Variants in LAMC1 observed in about 807,000 individuals in gnomAD.
LAMC1 encodes laminin subunit gamma 1, also known as laminin subunit gamma-1.
In LAMC1, 38 loss-of-function variants were observed where a neutral mutation model predicts 173.6. That is an observed-to-expected ratio of 0.22 (90% CI 0.17 to 0.29). The LOEUF (loss-of-function observed/expected upper bound fraction) is 0.29. LAMC1 is among the 10% of genes least tolerant of loss of function. The pLI is 1.00. For missense variants in LAMC1, 1,824 were observed against 2,051.8 expected (o/e 0.89, Z 2.14); for synonymous variants, 746 against 749.1 (o/e 1.00, Z 0.07).
chr1:183,032,870 C>T (rs1359692952), intron 1 of LAMC1, among the ~76,000 whole-genome samples: 1 of 152,034 alleles, frequency 6.6e-6, no homozygotes, highest in Non-Finnish European at 1.5e-5. Flanking sequence ...TGGTTAATGA[C>T]CAGTCTCTTT....
At position 183,125,479 on chromosome 1, in the gene LAMC1, C is replaced by G. The variant is rs750369532; in HGVS notation, c.2730C>G (p.His910Gln). Residue 910 changes from histidine to glutamine, a missense_variant, in exon 15 of 28, where the codon CAC (histidine) becomes CAG (glutamine). Physicochemically the swap from His to Gln is conservative, Grantham distance 24. Transcript: ENST00000258341. ...PVTGQCECLP[H>Q]VTGQDCGACD... ...CGGGGCAGTGTGAATGTTTGCCTCA[C>G]GTGACTGGCCAGGACTGTGGTGCTT... 2.5e-6 allele frequency: 4 copies of G among 1,613,628 alleles called. No homozygotes were observed. In the African/African-American group the frequency reaches 4.0e-5, roughly 16 times the overall value.
intron 1 of LAMC1, among the ~76,000 whole-genome samples, chr1:183,102,936 A>G (rs554928041): frequency 2.9e-4 from 44 of 152,356 alleles, no homozygotes; most frequent in Non-Finnish European, 5.6e-4. Context: ...CTGGAGACCC[A>G]TTTAGAAAGT....
intron 1 of LAMC1, among the ~76,000 whole-genome samples, chr1:183,075,372 T>C (rs1226550335): frequency 6.6e-6 from 1 of 152,146 alleles, no homozygotes; most frequent in Non-Finnish European, 1.5e-5. Context: ...CATCTTGGCC[T>C]CCCAAAGTGT....
chr1:183,125,661 A>C, intron 15 of LAMC1, 111 bp downstream of exon 15: 1 of 790,276 alleles, frequency 1.3e-6, no homozygotes, highest in Admixed American at 3.0e-5. Context: ...TGGAGCGCCT[A>C]ATGTAGGCAA....
At chr1:183,114,005 T>C (rs1036368109) in intron 4 of LAMC1, among the ~76,000 whole-genome samples, 1 of 152,196 alleles carries the variant, frequency 6.6e-6, no homozygotes, top group Non-Finnish European at 1.5e-5. Flanking sequence ...GAGGAACATT[T>C]CTTTATCATC....
chr1:183,120,676 G>A (rs1656446475), intron 11 of LAMC1, among the ~76,000 whole-genome samples: 1 of 152,156 alleles, frequency 6.6e-6, no homozygotes, highest in South Asian at 2.1e-4. Flanking sequence ...TGTATCAGGG[G>A]CACCACTGGA....
intron 1 of LAMC1, among the ~76,000 whole-genome samples, chr1:183,033,069 A>G (rs1168717221): frequency 1.3e-5 from 2 of 152,312 alleles, no homozygotes; most frequent in Non-Finnish European, 2.9e-5. Context: ...AGTACACTAT[A>G]ATATAGTTGA....
chr1:183,128,767 A>G lies in LAMC1; in HGVS notation c.3280+17A>G. On this transcript the variant is annotated intron_variant, in intron 18 of 27. Transcript: ENST00000258341. ...ATGTCAAAGGTACGCATGATTGAAC[A>G]GTGCATGACTTCTGTGAGATGGACC... The G allele has an allele frequency of 6.3e-7, 1 of 1,591,398 alleles. No individual in the cohort carries two copies. The highest frequency in any genetic ancestry group is 1.2e-5 in the South Asian group (1 of 86,414).
chr1:183,076,190 C>A (rs1200380670), intron 1 of LAMC1, among the ~76,000 whole-genome samples: 1 of 152,142 alleles, frequency 6.6e-6, no homozygotes, highest in East Asian at 1.9e-4. Context: ...AACTATGCCT[C>A]CACAGTAAAG....
At position 183,145,543 on chromosome 1, in the gene LAMC1, G is replaced by GA. The variant is rs1657234252; in HGVS notation, c.*2758dup. On this transcript the variant is annotated 3_prime_UTR_variant, in exon 28 of 28. Transcript: ENST00000258341. Reference sequence around the variant, plus strand: ...AACACTTGGCATTTTTATGTTTTAAGAAAAACAGTATTTTATTTATAATAA... The same window carrying GA: ...AACACTTGGCATTTTTATGTTTTAAGAAAAAACAGTATTTTATTTATAATAA... 6.6e-6 allele frequency: 1 copy of GA among 152,362 alleles called. No homozygotes were observed. The highest frequency in any genetic ancestry group is 2.4e-5 in the African/African-American group (1 of 41,358). The allele number at this position is 152,362 out of a possible 1,614,324, so 9.4% of individuals were successfully genotyped here.
At chr1:183,093,690 G>A (rs764745837) in intron 1 of LAMC1, among the ~76,000 whole-genome samples, 1 of 152,044 alleles carries the variant, frequency 6.6e-6, no homozygotes, top group Non-Finnish European at 1.5e-5. Context: ...TCACTTAGAG[G>A]TTTCGTGGGT....
At chr1:183,126,790 G>A (rs775488806) in intron 16 of LAMC1, among the ~76,000 whole-genome samples, 31 of 152,352 alleles carry the variant, frequency 2.0e-4, no homozygotes, top group Non-Finnish European at 1.2e-4. Context: ...CCTGTGGAAT[G>A]TAGCATAAGT....
chr1:183,099,643 G>A (rs984846588), intron 1 of LAMC1, among the ~76,000 whole-genome samples: 1 of 152,020 alleles, frequency 6.6e-6, no homozygotes, highest in African/African-American at 2.4e-5. Flanking sequence ...CTCTGTGTGT[G>A]CTGTGAATGT....
chr1:183,063,889 C>T (rs953748592), intron 1 of LAMC1, among the ~76,000 whole-genome samples: 3 of 152,248 alleles, frequency 2.0e-5, no homozygotes, highest in East Asian at 3.9e-4. Flanking sequence ...GTAATTGATA[C>T]GGATCCCTCC....
Position 183,133,477 on chromosome 1 carries a change from G to A in LAMC1, c.3776G>A (p.Arg1259Lys). Residue 1259 changes from arginine (R) to lysine (K), a missense_variant, in exon 22 of 28, where the codon AGG becomes AAG. Arg to Lys is a conservative substitution (Grantham distance 26, BLOSUM62 2). Coordinates refer to ENST00000258341, the MANE Select transcript of LAMC1 (RefSeq NM_002293.4). ...GCCCGAGTACATGAGGAGGCCAAAA[G>A]GGCCGGTGACAAAGCTGTGGAGATC... The part of the protein sequence containing the change: ...QAARVHEEAK[R>K]AGDKAVEIYA... The A allele has an allele frequency of 6.2e-7, 1 of 1,614,140 alleles. No individual in the cohort carries two copies. The highest frequency in any genetic ancestry group is 8.5e-7 in the Non-Finnish European group (1 of 1,179,982).
At chr1:183,042,709 A>T (rs183932004) in intron 1 of LAMC1, among the ~76,000 whole-genome samples, 353 of 152,314 alleles carry the variant, frequency 2.3e-3, no homozygotes, top group Non-Finnish European at 4.0e-3. Flanking sequence ...CCTCTGAAGA[A>T]AGGGTGTGTA....
chr1:183,122,045 C>T lies in LAMC1; in HGVS notation c.2213-18C>T, dbSNP rs780548080. On this transcript the variant is annotated intron_variant, in intron 12 of 27. Coordinates refer to ENST00000258341, the MANE Select transcript of LAMC1 (RefSeq NM_002293.4). ...ACTTGTACATTTGCCTGTTTTCTCA[C>T]GCCTGCCTTCCAAATAGGTGTTTGT... is the stretch of plus-strand genomic sequence containing the variant. 54 of 1,610,338 alleles carry T rather than the reference C, an allele frequency of 3.4e-5. No individual in the cohort carries two copies. Among genetic ancestry groups the T allele is most frequent in the Non-Finnish European group, 4.3e-5 (51 of 1,177,282 alleles).
intron 5 of LAMC1, 90 bp from the exon 6 acceptor site, chr1:183,115,430 T>G: frequency 1.1e-6 from 1 of 874,006 alleles, no homozygotes; most frequent in East Asian, 2.4e-5. Context: ...AGGCATTGCT[T>G]TTAATTACCA....
chr1:183,075,865 C>G (rs1357207462), intron 1 of LAMC1, among the ~76,000 whole-genome samples: 1 of 152,160 alleles, frequency 6.6e-6, no homozygotes, highest in Non-Finnish European at 1.5e-5. Flanking sequence ...GTTTTTAAAA[C>G]TTAATTTCCT....
Sources: gnomAD v4.1 joint callset for allele counts (sites outside exome capture counted in the v4.1 genomes callset) on GRCh38, gnomAD v4.1.1 for gene constraint, MANE v1.5 for transcripts, NCBI Gene and HGNC (gene_info 2026-07-23, HGNC 2026-07-21) for gene names.